The following ZFPM1 variants were observed in gnomAD, a reference collection of about 807,000 sequenced individuals.
The protein encoded by ZFPM1 is zinc finger protein, FOG family member 1.
A neutral mutation model predicts 46.3 loss-of-function variants in ZFPM1; 28 were observed. That is an observed-to-expected ratio of 0.60 (90% CI 0.45 to 0.83). ZFPM1 has a LOEUF of 0.83. ZFPM1 is among the 40% of genes least tolerant of loss of function. The pLI is 0.00. For synonymous variants in ZFPM1, 957 were observed against 675.9 expected (o/e 1.42, Z -6.45); for missense variants, 1,878 against 1,432.4 (o/e 1.31, Z -5.02).
At position 88,471,380 on chromosome 16, in the gene ZFPM1, G is replaced by C. The variant is rs62048964; in HGVS notation, c.41-14559G>C. Among the ~76,000 whole-genome samples, 1 of 152,198 alleles carries C rather than the reference G, an allele frequency of 6.6e-6. No individual in the cohort carries two copies. Reference sequence around the variant, plus strand: ...GCTCCCGCTCACAGTTCAGGACCCCGAGATGACCGTGCCCACAGTGGCTCC... The same window carrying C: ...GCTCCCGCTCACAGTTCAGGACCCCCAGATGACCGTGCCCACAGTGGCTCC... On this transcript the variant is annotated intron_variant, in intron 1 of 9. Coordinates refer to ENST00000319555, the MANE Select transcript of ZFPM1 (RefSeq NM_153813.3). This position sits in a 1 kb window ranked among gnomAD's most constrained non-coding sequence, Gnocchi z 4.1.
intron 3 of ZFPM1, among the ~76,000 whole-genome samples, chr16:88,508,279 A>G (rs1464643858): frequency 2.0e-5 from 3 of 152,168 alleles, no homozygotes; most frequent in Non-Finnish European, 4.4e-5. Context: ...GCTGGGTGAC[A>G]GTGCAAGATT....
chr16:88,475,523 A>C (rs1283059651), intron 1 of ZFPM1, among the ~76,000 whole-genome samples: 1 of 141,682 alleles, frequency 7.1e-6, no homozygotes, highest in Admixed American at 7.1e-5. Flanking sequence ...CGGGGGGGGG[A>C]GCACAGCCAA....
chr16:88,527,978 G>C, intron 5 of ZFPM1, 54 bp from the exon 6 acceptor site: 1 of 1,465,622 alleles, frequency 6.8e-7, no homozygotes, highest in Admixed American at 2.2e-5. Flanking sequence ...TGTTTAAGAC[G>C]GGACAGGGAA....
In ZFPM1 at chr16:88,471,798, C is replaced by T. The variant is rs536579831; in HGVS notation, c.41-14141C>T. On this transcript the variant is annotated intron_variant, in intron 1 of 9. Transcript: ENST00000319555. The surrounding 1 kb of genome is among the most constrained non-coding windows in gnomAD (Gnocchi z 4.1). ...CCTGAGCCTGTGACTAAGACTAAGG[C>T]TGTGTGTCCATCTCTGTGAAATCGG... is the stretch of plus-strand genomic sequence containing the variant. Among the ~76,000 whole-genome samples, 5 of 152,402 alleles carry T rather than the reference C, an allele frequency of 3.3e-5. No individual in the cohort carries two copies. In the East Asian group the frequency reaches 9.6e-4, roughly 29 times the overall value.
At chr16:88,473,801 T>C (rs1472863421) in intron 1 of ZFPM1, among the ~76,000 whole-genome samples, 1 of 152,146 alleles carries the variant, frequency 6.6e-6, no homozygotes, top group African/African-American at 2.4e-5. Flanking sequence ...GCCACACATA[T>C]GGCCTGACCC....
intron 2 of ZFPM1, among the ~76,000 whole-genome samples, chr16:88,486,262 C>T (rs145190768): frequency 3.9e-5 from 6 of 152,352 alleles, no homozygotes; most frequent in African/African-American, 1.2e-4. Context: ...GCTGCATGTG[C>T]AGCCTGAAAT....
At chr16:88,517,468 A>C (rs1294349596) in intron 4 of ZFPM1, among the ~76,000 whole-genome samples, 1 of 127,330 alleles carries the variant, frequency 7.9e-6, no homozygotes, top group Non-Finnish European at 1.7e-5. Context: ...AAATGGATGG[A>C]TGGCTGGGTG....
intron 1 of ZFPM1, among the ~76,000 whole-genome samples, chr16:88,483,956 T>G (rs1018241911): frequency 2.2e-4 from 34 of 152,286 alleles, no homozygotes; most frequent in African/African-American, 7.9e-4. Flanking sequence ...TCTCGCATCT[T>G]CGGGGGTCTC....
chr16:88,490,702 A>G (rs565329794), intron 3 of ZFPM1, among the ~76,000 whole-genome samples: 1 of 152,134 alleles, frequency 6.6e-6, no homozygotes. Flanking sequence ...GGGCCTGGGC[A>G]GCCGCAGCCA....
chr16:88,509,322 C>T (rs1034200537), intron 3 of ZFPM1, among the ~76,000 whole-genome samples: 17 of 152,212 alleles, frequency 1.1e-4, no homozygotes, highest in African/African-American at 3.9e-4. Context: ...AGCCACAGGG[C>T]GGGGCCGGGC....
At chr16:88,479,222 G>A (rs1005444060) in intron 1 of ZFPM1, among the ~76,000 whole-genome samples, 1 of 152,174 alleles carries the variant, frequency 6.6e-6, no homozygotes, top group Non-Finnish European at 1.5e-5. Context: ...TGCTGGGCTG[G>A]TGTCGCCAGC....
chr16:88,523,734 G>A (rs1023338693), intron 4 of ZFPM1, among the ~76,000 whole-genome samples: 4 of 152,214 alleles, frequency 2.6e-5, no homozygotes, highest in African/African-American at 9.7e-5. Flanking sequence ...TGGCAGTGGG[G>A]GCCGTGGCAG....
chr16:88,501,173 C>T (rs1030255899), intron 3 of ZFPM1, among the ~76,000 whole-genome samples: 10 of 111,346 alleles, frequency 9.0e-5, no homozygotes, highest in African/African-American at 2.5e-4. Context: ...AGATAGCAGA[C>T]ATGGGTGCGG....
chr16:88,497,923 C>G lies in ZFPM1; in HGVS notation c.268+8770C>G, dbSNP rs1181192008. ...TCGGGTGGAGGCTGAGGCGGGGGCC[C>G]GGCCTGATGGACAGCAGGGAGATGG... On this transcript the variant is annotated intron_variant, in intron 3 of 9. Transcript: ENST00000319555. This position sits in a 1 kb window ranked among gnomAD's most constrained non-coding sequence, Gnocchi z 5.4. Among the ~76,000 whole-genome samples, 1 of 152,220 alleles carries G rather than the reference C, an allele frequency of 6.6e-6. No individual in the cohort carries two copies. The highest frequency in any genetic ancestry group is 1.5e-5 in the Non-Finnish European group (1 of 68,022).
At chr16:88,468,695 C>T (rs1467378700) in intron 1 of ZFPM1, among the ~76,000 whole-genome samples, 1 of 151,960 alleles carries the variant, frequency 6.6e-6, no homozygotes, top group African/African-American at 2.4e-5. Context: ...CCCCCCAGAG[C>T]CCCACCCCCA....
At chr16:88,478,379 A>G (rs531266573) in intron 1 of ZFPM1, among the ~76,000 whole-genome samples, 21 of 152,334 alleles carry the variant, frequency 1.4e-4, no homozygotes, top group African/African-American at 4.6e-4. Flanking sequence ...GGGCTGCTGC[A>G]GGGCACTCTT....
chr16:88,500,892 A>C (rs1280104050), intron 3 of ZFPM1, among the ~76,000 whole-genome samples: 1 of 152,232 alleles, frequency 6.6e-6, no homozygotes, highest in Non-Finnish European at 1.5e-5. Context: ...CCTAGACGGC[A>C]CCTCGGTGTC....
At chr16:88,514,879 C>T (rs903301811) in intron 4 of ZFPM1, among the ~76,000 whole-genome samples, 8 of 152,192 alleles carry the variant, frequency 5.3e-5, no homozygotes, top group African/African-American at 1.9e-4. Flanking sequence ...GGGGATGCTA[C>T]AGCAGAGAGC....
At position 88,534,879 on chromosome 16, in the gene ZFPM1, G is replaced by C. The variant is rs528728643; in HGVS notation, c.2921G>C (p.Arg974Pro). 1 of 1,567,440 alleles carries C rather than the reference G, an allele frequency of 6.4e-7. No individual in the cohort carries two copies. The highest frequency in any genetic ancestry group is 2.5e-5 in the East Asian group (1 of 39,612). The change falls in exon 10 of 10, where the codon CGG becomes CCG. Residue 974 changes from arginine to proline, a missense_variant. Physicochemically the swap from Arg to Pro is moderately radical, Grantham distance 103 (BLOSUM62 -2). Coordinates refer to ENST00000319555, the MANE Select transcript of ZFPM1 (RefSeq NM_153813.3). The stretch of plus-strand genomic sequence containing the variant: ...GCGCCGCTGCCCAACGGCAACCACC[G>C]GTACTGCCGTCTTTGCAACATCAAG... Reference protein sequence around the residue: ...TPAPLPNGNHRYCRLCNIKFS... With the variant: ...TPAPLPNGNHPYCRLCNIKFS...
Sources: allele counts gnomAD v4.1 joint callset (sites outside exome capture counted in the v4.1 genomes callset), GRCh38; gene constraint gnomAD v4.1.1; non-coding constraint Gnocchi (gnomAD v3.1); transcripts MANE v1.5; gene names NCBI Gene and HGNC (gene_info 2026-07-23, HGNC 2026-07-21).